The following PDXDC1 variants were observed in gnomAD, a reference collection of about 807,000 sequenced individuals.
The protein encoded by PDXDC1 is pyridoxal dependent decarboxylase domain containing 1, also known as pyridoxal-dependent decarboxylase domain-containing protein 1.
A neutral mutation model predicts 100.1 loss-of-function variants in PDXDC1; 42 were observed. That is an observed-to-expected ratio of 0.42 (90% CI 0.33 to 0.54). The LOEUF is 0.54. Among genes scored for constraint, PDXDC1 ranks in the 20% least tolerant of loss-of-function variants. The pLI is 0.10. For missense variants in PDXDC1, 636 were observed against 979.2 expected, an observed-to-expected ratio of 0.65 and a Z score of 4.68; for synonymous variants, 260 against 371.7, an observed-to-expected ratio of 0.70 and a Z score of 3.46.
intron 14 of PDXDC1, among the ~76,000 whole-genome samples, chr16:15,027,650 C>T (rs955279959): frequency 2.6e-5 from 4 of 152,288 alleles, no homozygotes; most frequent in African/African-American, 9.6e-5. Context: ...CCTGGCCAAA[C>T]TCCGCCTCGT....
intron 16 of PDXDC1, among the ~76,000 whole-genome samples, chr16:15,075,926 T>G (rs1210041658): frequency 6.6e-6 from 1 of 152,112 alleles, no homozygotes; most frequent in East Asian, 1.9e-4. Flanking sequence ...GGACCACCCT[T>G]GCACTCTTTC....
intron 12 of PDXDC1, among the ~76,000 whole-genome samples, chr16:15,019,505 A>G (rs555119926): frequency 6.6e-6 from 1 of 152,408 alleles, no homozygotes; most frequent in African/African-American, 2.4e-5. Flanking sequence ...CTATAACAAA[A>G]TACCTTAGAG....
chr16:15,117,692 G>C (rs2047286291), intron 16 of PDXDC1, among the ~76,000 whole-genome samples: 1 of 121,186 alleles, frequency 8.3e-6, no homozygotes, highest in African/African-American at 3.2e-5. Flanking sequence ...GACTCGTCTT[G>C]GGGGTGAGAA....
At chr16:15,104,353 T>C in intron 16 of PDXDC1, 2 of 1,596,310 alleles carry the variant, frequency 1.3e-6, no homozygotes, top group East Asian at 4.5e-5. Flanking sequence ...TTCGTTAGTT[T>C]CTTCAGATTA....
At chr16:15,045,446 G>A (rs2044019293) in intron 16 of PDXDC1, 1 of 150,316 alleles carries the variant, frequency 6.7e-6, no homozygotes, top group Non-Finnish European at 1.5e-5. Flanking sequence ...CAGCCTGGGT[G>A]ACAGAGCCAG....
chr16:15,063,212 T>C (rs552825026), intron 16 of PDXDC1: 15 of 1,611,192 alleles, frequency 9.3e-6, no homozygotes, highest in Non-Finnish European at 1.3e-5. Flanking sequence ...CATGGGTTTC[T>C]TGAACTCCTG....
intron 16 of PDXDC1, among the ~76,000 whole-genome samples, chr16:15,111,902 T>C (rs2047083211): frequency 1.3e-5 from 2 of 149,594 alleles, no homozygotes; most frequent in Admixed American, 6.7e-5. Context: ...AAGGAATTAA[T>C]TACCTTCAGC....
chr16:15,102,858 G>A (rs1472540261), intron 16 of PDXDC1, among the ~76,000 whole-genome samples: 1 of 149,850 alleles, frequency 6.7e-6, no homozygotes. Context: ...AGTATCACTT[G>A]AGCCCGGAAG....
chr16:15,111,153 C>T (rs937443241), intron 16 of PDXDC1, among the ~76,000 whole-genome samples: 2 of 125,964 alleles, frequency 1.6e-5, no homozygotes, highest in Non-Finnish European at 3.6e-5. Flanking sequence ...CACACACACA[C>T]ACAAAACACA....
intron 16 of PDXDC1, chr16:15,055,764 G>A: frequency 4.2e-6 from 2 of 471,238 alleles, no homozygotes. Context: ...GACGCGAGCC[G>A]ACGGCCGGGG....
chr16:15,148,986 G>A, the PDXDC1 span, among the ~76,000 whole-genome samples: 1 of 152,214 alleles, frequency 6.6e-6, no homozygotes, highest in Non-Finnish European at 1.5e-5. Flanking sequence ...TTCTCACGCA[G>A]GCACGTTCTG....
chr16:15,130,544 G>A (rs1420916373), intron 16 of PDXDC1: 8 of 1,336,720 alleles, frequency 6.0e-6, no homozygotes, highest in Middle Eastern at 2.5e-4. Context: ...CAGTCCCCTC[G>A]CTGCCTGCCG....
chr16:15,121,953 G>C (rs897467036), intron 16 of PDXDC1: 2 of 239,106 alleles, frequency 8.4e-6, no homozygotes, highest in South Asian at 4.0e-5. Flanking sequence ...CTATCCTGGC[G>C]AACATGGTGA....
chr16:15,004,158 G>A (rs377668184), intron 4 of PDXDC1, 29 bp from the exon 5 acceptor site: 35 of 1,596,740 alleles, frequency 2.2e-5, no homozygotes, highest in Non-Finnish European at 2.9e-5. Flanking sequence ...TTTATGGTTT[G>A]ACTCTAATAC....
chr16:15,040,019 G>T (rs1333658084), downstream of PDXDC1: 14 of 1,611,610 alleles, frequency 8.7e-6, no homozygotes, highest in Middle Eastern at 1.6e-4. Context: ...TCCGGACCCC[G>T]ATCTTGAAAG....
intron 12 of PDXDC1, among the ~76,000 whole-genome samples, chr16:15,019,876 G>T (rs1182696204): frequency 6.6e-6 from 1 of 152,274 alleles, no homozygotes; most frequent in Non-Finnish European, 1.5e-5. Flanking sequence ...ACTTTGGGAG[G>T]CTGAAGCGGG....
chr16:15,041,098 C>T (rs147340910), downstream of PDXDC1: 1,394 of 1,593,222 alleles, frequency 8.7e-4, no homozygotes, highest in Non-Finnish European at 1.1e-3. Flanking sequence ...AAGTGGTTTT[C>T]GTTTTCTTCC....
chr16:15,002,593 A>G (rs1973394915), intron 4 of PDXDC1, among the ~76,000 whole-genome samples: 1 of 152,298 alleles, frequency 6.6e-6, no homozygotes, highest in Non-Finnish European at 1.5e-5. Context: ...ACTGTTACAA[A>G]CATTGCTGCA....
intron 16 of PDXDC1, among the ~76,000 whole-genome samples, chr16:15,078,012 G>A (rs1163266364): frequency 6.6e-6 from 1 of 152,180 alleles, no homozygotes; most frequent in East Asian, 1.9e-4. Context: ...AGCCAAATGT[G>A]CATGATGCAA....
Sources: allele counts gnomAD v4.1 joint callset (sites outside exome capture counted in the v4.1 genomes callset), GRCh38; gene constraint gnomAD v4.1.1; transcripts MANE v1.5; gene names NCBI Gene and HGNC (gene_info 2026-07-23, HGNC 2026-07-21).